SPAG16: variants seen among roughly 807,000 people sequenced by gnomAD.
SPAG16 encodes sperm-associated antigen 16 protein.
Under a neutral mutation model 80.4 loss-of-function variants are expected in SPAG16, and 86 were observed. That is an observed-to-expected ratio of 1.07 (90% CI 0.90 to 1.28). The LOEUF is 1.28. SPAG16 is among the 50% of genes most tolerant of loss of function. The probability of loss-of-function intolerance (pLI) is 0.00; values close to 1 mark genes in which losing one functional copy is unlikely to be tolerated. For missense variants in SPAG16, 870 were observed against 765.3 expected (o/e 1.14, Z -1.61); for synonymous variants, 294 against 265.9 (o/e 1.11, Z -1.03).
At chr2:213,763,607 A>G (rs929718952) in intron 10 of SPAG16, among the ~76,000 whole-genome samples, 1 of 152,184 alleles carries the variant, frequency 6.6e-6, no homozygotes, top group Admixed American at 6.5e-5. Context: ...CAATGTGCAT[A>G]TAGTTAACAA....
Position 213,317,376 on chromosome 2 carries a change from A to T in SPAG16, c.536+20A>T, listed in dbSNP as rs10183630. ...AGCTGAGTATGTTATTTTTTAAATG[A>T]CATTTTCTTCTTTTTCTTTTGGACT... On this transcript the variant is annotated intron_variant, in intron 5 of 15. Coordinates refer to ENST00000331683, the MANE Select transcript of SPAG16 (RefSeq NM_024532.5). The T allele has an allele frequency of 0.27, 428,363 of 1,591,972 alleles. 63,399 individuals carry two copies. The highest frequency in any genetic ancestry group is 0.31 in the Non-Finnish European group (358,251 of 1,168,918).
At chr2:214,343,323 C>T (rs916186280) in intron 15 of SPAG16, among the ~76,000 whole-genome samples, 1 of 151,974 alleles carries the variant, frequency 6.6e-6, no homozygotes, top group Admixed American at 6.6e-5. Context: ...ACTGGAGAAT[C>T]AGATTTTTAA....
At chr2:213,974,941 A>C (rs1159078990) in intron 12 of SPAG16, among the ~76,000 whole-genome samples, 1 of 136,364 alleles carries the variant, frequency 7.3e-6, no homozygotes, top group Non-Finnish European at 1.5e-5. Context: ...TTGAAGTAAG[A>C]TGTCGTTAAA....
chr2:213,305,059 A>AT (rs1249505106), intron 3 of SPAG16, among the ~76,000 whole-genome samples: 2 of 151,984 alleles, frequency 1.3e-5, no homozygotes, highest in African/African-American at 4.8e-5. Flanking sequence ...TTTCATCAGT[A>AT]TTTTATAGCT....
At chr2:213,611,283 T>C (rs1004768111) in intron 10 of SPAG16, among the ~76,000 whole-genome samples, 1 of 152,224 alleles carries the variant, frequency 6.6e-6, no homozygotes, top group African/African-American at 2.4e-5. Flanking sequence ...CCTTGGCTCC[T>C]ATGGCATGTT....
chr2:213,783,170 A>T (rs1416624935), intron 10 of SPAG16, among the ~76,000 whole-genome samples: 1 of 150,304 alleles, frequency 6.7e-6, no homozygotes, highest in Non-Finnish European at 1.5e-5. Flanking sequence ...TTCTTGCGAT[A>T]GTTTACTGAG....
At chr2:213,344,726 T>G (rs1194148491) in intron 6 of SPAG16, among the ~76,000 whole-genome samples, 1 of 152,078 alleles carries the variant, frequency 6.6e-6, no homozygotes, top group African/African-American at 2.4e-5. Flanking sequence ...TTTTTATGGC[T>G]GCATAGTATT....
At chr2:214,065,751 A>G (rs976675015) in intron 13 of SPAG16, among the ~76,000 whole-genome samples, 3 of 152,164 alleles carry the variant, frequency 2.0e-5, no homozygotes, top group African/African-American at 7.2e-5. Flanking sequence ...GGTTAAAATA[A>G]GAAGCCCTCT....
In SPAG16 at chr2:214,208,725, C is replaced by T. The variant is rs143166026; in HGVS notation, c.1720+59459C>T. ...ACATTGAGCAGTAGGATATAAATAA[C>T]TCCCACATGCTTAGGGTTCCAATAA... On this transcript the variant is annotated intron_variant, in intron 15 of 15. Transcript: ENST00000331683. Among the ~76,000 whole-genome samples, 206 of 152,134 alleles carry T rather than the reference C, an allele frequency of 1.4e-3. 2 individuals carry two copies. In the East Asian group the frequency reaches 0.031, roughly 23 times the overall value.
At chr2:213,603,941 T>G (rs2061161079) in intron 10 of SPAG16, among the ~76,000 whole-genome samples, 1 of 151,340 alleles carries the variant, frequency 6.6e-6, no homozygotes, top group South Asian at 2.1e-4. Context: ...TTTTTTTTTT[T>G]GAGATAGAGT....
chr2:214,189,720 GGAAGA>G (rs2057595695), intron 15 of SPAG16, among the ~76,000 whole-genome samples: 1 of 151,702 alleles, frequency 6.6e-6, no homozygotes, highest in South Asian at 2.1e-4. Flanking sequence ...AATACTCTAG[GGAAGA>G]GAAAAGTTTT....
At chr2:214,357,784 A>C (rs1340934010) in intron 15 of SPAG16, among the ~76,000 whole-genome samples, 1 of 151,756 alleles carries the variant, frequency 6.6e-6, no homozygotes, top group South Asian at 2.1e-4. Context: ...CCTCTGTTTC[A>C]TAATAATTCT....
chr2:214,132,495 C>T (rs2054829596), intron 14 of SPAG16, among the ~76,000 whole-genome samples: 1 of 152,064 alleles, frequency 6.6e-6, no homozygotes, highest in African/African-American at 2.4e-5. Context: ...AATGAAAAGA[C>T]GGGCATGTAT....
chr2:214,051,770 G>T (rs996364649), intron 13 of SPAG16, among the ~76,000 whole-genome samples: 3 of 152,116 alleles, frequency 2.0e-5, no homozygotes, highest in Admixed American at 2.0e-4. Flanking sequence ...GGTCTGACAG[G>T]TGACACCTTT....
intron 14 of SPAG16, among the ~76,000 whole-genome samples, chr2:214,131,475 A>G (rs557665505): frequency 6.6e-6 from 1 of 152,172 alleles, no homozygotes; most frequent in African/African-American, 2.4e-5. Context: ...ACTAAAAGTC[A>G]GTGGAGAAAA....
chr2:214,016,357 A>C (rs1190052350), intron 13 of SPAG16, among the ~76,000 whole-genome samples: 1 of 152,186 alleles, frequency 6.6e-6, no homozygotes, highest in Non-Finnish European at 1.5e-5. Flanking sequence ...AAACCATCAG[A>C]GCTCGTGAGA....
intron 10 of SPAG16, among the ~76,000 whole-genome samples, chr2:213,579,394 C>T (rs925982525): frequency 1.3e-5 from 2 of 152,070 alleles, no homozygotes; most frequent in African/African-American, 2.4e-5. Flanking sequence ...ACTTTCTCTC[C>T]TGTTTTATAA....
chr2:213,377,048 A>G lies in SPAG16; in HGVS notation c.942+1929A>G, dbSNP rs1193451757. Among the ~76,000 whole-genome samples, 3 of 152,256 alleles carry G rather than the reference A, an allele frequency of 2.0e-5. No homozygotes were observed. The East Asian group carries it at 5.8e-4, about 29-fold the overall frequency. On this transcript the variant is annotated intron_variant, in intron 9 of 15. Coordinates refer to ENST00000331683, the MANE Select transcript of SPAG16 (RefSeq NM_024532.5). ...TAGATTATCTCCTTGAGTAATTTTC[A>G]AAAAGGGCCAATGGAGATAAATGAT...
intron 15 of SPAG16, among the ~76,000 whole-genome samples, chr2:214,316,531 G>A (rs1448559298): frequency 6.6e-6 from 1 of 152,084 alleles, no homozygotes; most frequent in African/African-American, 2.4e-5. Context: ...CTTTTTATAA[G>A]GACCCGCGAT....
Sources: allele counts gnomAD v4.1 joint callset (sites outside exome capture counted in the v4.1 genomes callset), GRCh38; gene constraint gnomAD v4.1.1; transcripts MANE v1.5; gene names NCBI Gene and HGNC (gene_info 2026-07-23, HGNC 2026-07-21).